The following DHRS1 variants were observed in gnomAD, a reference collection of about 807,000 sequenced individuals.
DHRS1 encodes the protein dehydrogenase/reductase SDR family member 1.
In DHRS1, 34 loss-of-function variants were observed where a neutral mutation model predicts 35.2. The ratio of observed to expected loss-of-function variants is 0.97; its 90% confidence interval spans 0.74 to 1.29. The LOEUF is 1.29. Among genes scored for constraint, DHRS1 ranks in the 50% most tolerant of loss-of-function variants. The probability of loss-of-function intolerance (pLI) is 0.00; values close to 1 mark genes in which losing one functional copy is unlikely to be tolerated. For missense variants in DHRS1, 354 were observed against 403.6 expected, an observed-to-expected ratio of 0.88 and a Z score of 1.05; for synonymous variants, 133 against 160.0, an observed-to-expected ratio of 0.83 and a Z score of 1.27.
intron 1 of DHRS1, chr14:24,299,338 G>A (rs2041324041): frequency 1.9e-6 from 1 of 520,478 alleles, no homozygotes; most frequent in Non-Finnish European, 3.5e-6. Context: ...GAGTGAAGAA[G>A]GGGCTGAGTG....
At chr14:24,291,933 T>C (rs948718018) in intron 6 of DHRS1, 1 of 608,222 alleles carries the variant, frequency 1.6e-6, no homozygotes, top group Non-Finnish European at 2.9e-6. Context: ...TCTTTGGAGC[T>C]AGACAGCCTT....
intron 5 of DHRS1, 48 bp from the exon 6 acceptor site, chr14:24,292,378 T>A (rs943850094): frequency 6.2e-7 from 1 of 1,609,040 alleles, no homozygotes; most frequent in Non-Finnish European, 8.5e-7. Context: ...CCATGTCACT[T>A]TCCTGCCCTG....
At position 24,291,643 on chromosome 14, in the gene DHRS1, A is replaced by G. The variant is rs1566400803; in HGVS notation, c.655-18T>C. 6.2e-7 allele frequency: 1 copy of G among 1,612,828 alleles called. No homozygotes were observed. The highest frequency in any genetic ancestry group is 8.5e-7 in the Non-Finnish European group (1 of 1,178,872). On this transcript the variant is annotated intron_variant, in intron 6 of 8. Transcript: ENST00000288111. ...GATTTGAACTGAAACACAGGGGCAGAGAAGTGAAGGGTTAATTTCCAAGAG... is the reference window on the plus strand; with the variant it reads ...GATTTGAACTGAAACACAGGGGCAGGGAAGTGAAGGGTTAATTTCCAAGAG...
In DHRS1 at chr14:24,299,112, A is replaced by G; in HGVS notation, c.-6T>C. The stretch of plus-strand genomic sequence containing the variant: ...CCATTCATGGGAGCTGCCATGACTC[A>G]CAGGCAAAGGAGGCAGGTCTGTGGA... On this transcript the variant is annotated 5_prime_UTR_variant, in exon 2 of 9. Coordinates refer to ENST00000288111, the MANE Select transcript of DHRS1 (RefSeq NM_001136050.3). 6.2e-7 allele frequency: 1 copy of G among 1,610,702 alleles called. No homozygotes were observed. Among genetic ancestry groups the G allele is most frequent in the East Asian group, 2.2e-5 (1 of 44,786 alleles).
In DHRS1 at chr14:24,291,248, C is replaced by A. The variant is rs763067122; in HGVS notation, c.725-29G>T. The A allele has an allele frequency of 3.1e-6, 5 of 1,609,556 alleles. 1 individual carries two copies. In the South Asian group the frequency reaches 3.3e-5, roughly 11 times the overall value. On this transcript the variant is annotated intron_variant, in intron 7 of 8. Transcript: ENST00000288111. Reference sequence around the variant, plus strand: ...CGGGCACACAGACAGGTGGAGATGGCAGGCAGGGGAGTATGCAGAGTGACA... The same window carrying A: ...CGGGCACACAGACAGGTGGAGATGGAAGGCAGGGGAGTATGCAGAGTGACA...
chr14:24,298,840 A>G (rs763959831), intron 2 of DHRS1, 117 bp downstream of exon 2: 9 of 1,180,854 alleles, frequency 7.6e-6, no homozygotes, highest in African/African-American at 1.6e-5. Context: ...TTGAATAAAT[A>G]TTCACATCTT....
chr14:24,299,173 T>G, intron 1 of DHRS1, 43 bp from the exon 2 acceptor site: 1 of 1,539,672 alleles, frequency 6.5e-7, no homozygotes, highest in Non-Finnish European at 8.8e-7. Context: ...CTGGAGACTG[T>G]GTGTGTGTTG....
chr14:24,297,352 A>G (rs1293143268), intron 2 of DHRS1, among the ~76,000 whole-genome samples: 3 of 152,082 alleles, frequency 2.0e-5, no homozygotes, highest in Non-Finnish European at 2.9e-5. Context: ...AATTGAAAAA[A>G]CCAAAGCTAT....
Position 24,296,893 on chromosome 14 carries a change from CA to C in DHRS1, c.151-13del. 5.6e-6 allele frequency: 9 copies of C among 1,614,146 alleles called. No homozygotes were observed. Among genetic ancestry groups the C allele is most frequent in the East Asian group, 4.5e-5 (2 of 44,892 alleles). On this transcript the variant is annotated splice_polypyrimidine_tract_variant and intron_variant, in intron 2 of 8. Coordinates refer to ENST00000288111, the MANE Select transcript of DHRS1 (RefSeq NM_001136050.3). ...CCGAGGGATTGTGCCTGGAGTAGGA[CA>C]GGGGATATGAGCTCACATTCACACA...
Position 24,292,583 on chromosome 14 carries a change from G to T in DHRS1, c.507+69C>A, listed in dbSNP as rs144600093. On this transcript the variant is annotated intron_variant, in intron 5 of 8. Coordinates refer to ENST00000288111, the MANE Select transcript of DHRS1 (RefSeq NM_001136050.3). Reference sequence around the variant, plus strand: ...CTTACCATTCTGACCACTGGGGATTGTACCTCCTGAGCTATAGGTAACATC... The same window carrying T: ...CTTACCATTCTGACCACTGGGGATTTTACCTCCTGAGCTATAGGTAACATC... The T allele has an allele frequency of 6.8e-6, 11 of 1,612,046 alleles. No homozygotes were observed. The East Asian group carries it at 2.5e-4, about 36-fold the overall frequency.
At chr14:24,299,222 T>G in intron 1 of DHRS1, 92 bp from the exon 2 acceptor site, 1 of 1,231,838 alleles carries the variant, frequency 8.1e-7, no homozygotes, top group Admixed American at 2.7e-5. Context: ...TCACTAGGGC[T>G]AAGAGGAGGA....
chr14:24,290,703 G>C lies in DHRS1; in HGVS notation c.*156C>G. On this transcript the variant is annotated 3_prime_UTR_variant, in exon 9 of 9. Coordinates refer to ENST00000288111, the MANE Select transcript of DHRS1 (RefSeq NM_001136050.3). ...AACCAAGGCACAAAGAAGGGACCTAGGCGCACCCCAGAACTCACCACGGAC... is the reference window on the plus strand; with the variant it reads ...AACCAAGGCACAAAGAAGGGACCTACGCGCACCCCAGAACTCACCACGGAC... The C allele has an allele frequency of 1.2e-6, 1 of 865,500 alleles. No homozygotes were observed. The allele number at this position is 865,500 out of a possible 1,614,324, so 53.6% of individuals were successfully genotyped here.
chr14:24,296,873 G>C lies in DHRS1; in HGVS notation c.159C>G (p.Ser53=). 6.2e-7 allele frequency: 1 copy of C among 1,614,196 alleles called. No homozygotes were observed. Among genetic ancestry groups the C allele is most frequent in the Non-Finnish European group, 8.5e-7 (1 of 1,180,038 alleles). Residue 53 remains serine (S), a synonymous_variant, in exon 3 of 9, where the codon TCC becomes TCG. Coordinates refer to ENST00000288111, the MANE Select transcript of DHRS1 (RefSeq NM_001136050.3). ...TLRVVAQEAQ[S]LGGQCVPVVC... ...CCACAGGCACACATTGGCCCCCGAG[G>C]GATTGTGCCTGGAGTAGGACAGGGG...
chr14:24,291,215 G>A lies in DHRS1; in HGVS notation c.729C>T (p.Pro243=), dbSNP rs768752833. Residue 243 remains proline, a synonymous_variant, in exon 8 of 9, where the codon CCC becomes CCT. Transcript: ENST00000288111. ...GKCVVALATD[P]NILSLSGKVL... ...CCTTACCACTCAGGCTCAGGATATT[G>A]GGATCTGCGGGCACACAGACAGGTG... 1.1e-5 allele frequency: 18 copies of A among 1,614,006 alleles called. No individual in the cohort carries two copies. Among genetic ancestry groups the A allele is most frequent in the Non-Finnish European group, 1.5e-5 (18 of 1,180,022 alleles).
At chr14:24,291,754 C>T (rs763635214) in intron 6 of DHRS1, 129 bp from the exon 7 acceptor site, 1 of 921,446 alleles carries the variant, frequency 1.1e-6, no homozygotes, top group Non-Finnish European at 1.8e-6. Flanking sequence ...TCAAGCAGGG[C>T]CTGTAGGACC....
chr14:24,292,589 C>T, intron 5 of DHRS1, 63 bp downstream of exon 5: 1 of 1,613,534 alleles, frequency 6.2e-7, no homozygotes, highest in Non-Finnish European at 8.5e-7. Context: ...GATTGTACCT[C>T]CTGAGCTATA....
chr14:24,293,980 T>C (rs2041206012), intron 4 of DHRS1: 1 of 152,186 alleles, frequency 6.6e-6, no homozygotes, highest in African/African-American at 2.4e-5. Context: ...AAGGAACCTG[T>C]CAAATCAGTG....
Position 24,291,150 on chromosome 14 carries a change from C to T in DHRS1, c.794G>A (p.Arg265Gln), listed in dbSNP as rs148282342. ...GCCAGGGTCCTCACCGTCCACATCCCGAAGGCCATAGCGTCGAGCAAGGTC... is the reference window on the plus strand; with the variant it reads ...GCCAGGGTCCTCACCGTCCACATCCTGAAGGCCATAGCGTCGAGCAAGGTC... Reference protein sequence around the residue: ...SCDLARRYGLRDVDGRPVQDY... With the variant: ...SCDLARRYGLQDVDGRPVQDY... The change falls in exon 8 of 9, where the codon CGG (arginine) becomes CAG (glutamine). Residue 265 changes from arginine (R) to glutamine (Q), a missense_variant. Coordinates refer to ENST00000288111, the MANE Select transcript of DHRS1 (RefSeq NM_001136050.3). 15 of 1,613,972 alleles carry T rather than the reference C, an allele frequency of 9.3e-6. No individual in the cohort carries two copies. Among genetic ancestry groups the T allele is most frequent in the South Asian group, 7.7e-5 (7 of 91,078 alleles).
Position 24,291,132 on chromosome 14 carries a change from T to A in DHRS1, c.805+7A>T. 4 of 1,613,890 alleles carry A rather than the reference T, an allele frequency of 2.5e-6. No homozygotes were observed. Among genetic ancestry groups the A allele is most frequent in the Non-Finnish European group, 3.4e-6 (4 of 1,179,950 alleles). On this transcript the variant is annotated splice_region_variant and intron_variant, in intron 8 of 8. Transcript: ENST00000288111. ...GTCAAGGCTGACTGCTGTGCCAGGG[T>A]CCTCACCGTCCACATCCCGAAGGCC...
Sources: gnomAD v4.1 joint callset for allele counts (sites outside exome capture counted in the v4.1 genomes callset) on GRCh38, gnomAD v4.1.1 for gene constraint, MANE v1.5 for transcripts, NCBI Gene and HGNC (gene_info 2026-07-23, HGNC 2026-07-21) for gene names.